LRP1B: variants seen among roughly 807,000 people sequenced by gnomAD.
LRP1B encodes LDL receptor related protein 1B, also known as low-density lipoprotein receptor-related protein 1B.
LRP1B carries 217 observed loss-of-function variants against 556.6 expected under a neutral mutation model. That is an observed-to-expected ratio of 0.39 (90% CI 0.35 to 0.44). The LOEUF (loss-of-function observed/expected upper bound fraction) is 0.44. LRP1B is among the 20% of genes least tolerant of loss of function. LRP1B has a pLI of 1.00. For synonymous variants in LRP1B, 2,047 were observed against 1,865.8 expected (o/e 1.10, Z -2.50); for missense variants, 5,053 against 5,620.8 (o/e 0.90, Z 3.23).
chr2:140,564,970 A>C (rs1470655165), intron 43 of LRP1B, among the ~76,000 whole-genome samples: 1 of 151,978 alleles, frequency 6.6e-6, no homozygotes, highest in Non-Finnish European at 1.5e-5. Context: ...TTCAAGAAAC[A>C]CTGGTATGAT....
At chr2:141,150,428 C>G (rs1701892312) in intron 7 of LRP1B, among the ~76,000 whole-genome samples, 1 of 152,164 alleles carries the variant, frequency 6.6e-6, no homozygotes. Flanking sequence ...TTTCCCATTT[C>G]TATTTCTAAT....
chr2:140,762,214 T>A (rs558585548), intron 35 of LRP1B, among the ~76,000 whole-genome samples: 3 of 152,286 alleles, frequency 2.0e-5, no homozygotes, highest in Middle Eastern at 3.4e-3. Context: ...TTATGTCACA[T>A]TGCTTATGCA....
At chr2:141,908,904 T>C (rs1469790263) in intron 1 of LRP1B, among the ~76,000 whole-genome samples, 1 of 152,076 alleles carries the variant, frequency 6.6e-6, no homozygotes, top group Non-Finnish European at 1.5e-5. Context: ...TGGTCTTATT[T>C]TCATTTTATA....
At chr2:140,271,692 G>A (rs1018514623) in intron 85 of LRP1B, among the ~76,000 whole-genome samples, 1 of 151,862 alleles carries the variant, frequency 6.6e-6, no homozygotes, top group Non-Finnish European at 1.5e-5. Context: ...TAAAGATACA[G>A]GTAAACAGAA....
In LRP1B at chr2:141,337,379, C is replaced by T. The variant is rs534380536; in HGVS notation, c.344-82738G>A. Among the ~76,000 whole-genome samples the T allele has an allele frequency of 3.3e-5, 5 of 152,154 alleles. No individual in the cohort carries two copies. The South Asian group carries it at 6.2e-4, about 19-fold the overall frequency. ...TCTGTGCAAGTCATATCATAGCATCCCCTTTTAATAACATTTTAGTGATTT... is the reference window on the plus strand; with the variant it reads ...TCTGTGCAAGTCATATCATAGCATCTCCTTTTAATAACATTTTAGTGATTT... On this transcript the variant is annotated intron_variant, in intron 3 of 90. Transcript: ENST00000389484.
chr2:141,711,440 A>G (rs1189920427), intron 2 of LRP1B, among the ~76,000 whole-genome samples: 1 of 152,196 alleles, frequency 6.6e-6, no homozygotes, highest in African/African-American at 2.4e-5. Context: ...ATTGCAGAGA[A>G]AGGCATAGAG....
At chr2:141,488,360 T>A (rs1683192695) in intron 2 of LRP1B, among the ~76,000 whole-genome samples, 1 of 152,198 alleles carries the variant, frequency 6.6e-6, no homozygotes, top group African/African-American at 2.4e-5. Context: ...TATGCAGTTT[T>A]GCACTTCCTC....
Position 142,121,377 on chromosome 2 carries a change from T to C in LRP1B, c.82+9271A>G, listed in dbSNP as rs142759139. Among the ~76,000 whole-genome samples, 4 of 152,308 alleles carry C rather than the reference T, an allele frequency of 2.6e-5. No individual in the cohort carries two copies. The East Asian group carries it at 7.7e-4, about 29-fold the overall frequency. ...CAAACCCAAATGCCTCAATTTGATC[T>C]GCATGACCCTACCTGACCTAATCTG... On this transcript the variant is annotated intron_variant, in intron 1 of 90. Transcript: ENST00000389484.
At chr2:141,061,994 G>T in intron 8 of LRP1B, 57 bp downstream of exon 8, 1 of 1,416,788 alleles carries the variant, frequency 7.1e-7, no homozygotes, top group Non-Finnish European at 9.9e-7. Flanking sequence ...GCAAATTTTG[G>T]TATTATTCCT....
At chr2:140,495,490 A>C (rs536727045) in intron 56 of LRP1B, 75 bp downstream of exon 56, 1 of 1,360,910 alleles carries the variant, frequency 7.3e-7, no homozygotes, top group South Asian at 1.5e-5. Context: ...GAGTGAATTC[A>C]ATAAGAACGG....
rs568853619 is a variant in LRP1B, at chr2:141,384,248, C to A, written c.343+96148G>T. ...GGAAAAAAAAATGTTAAAAGGAGTA[C>A]TTTAGGCTAAAATGAAAGGATACTA... On this transcript the variant is annotated intron_variant, in intron 3 of 90. Transcript: ENST00000389484. Among the ~76,000 whole-genome samples the A allele has an allele frequency of 2.6e-5, 4 of 151,908 alleles. No individual in the cohort carries two copies. In the East Asian group the frequency reaches 5.8e-4, roughly 22 times the overall value.
At chr2:141,926,602 T>G (rs999706962) in intron 1 of LRP1B, among the ~76,000 whole-genome samples, 1 of 152,212 alleles carries the variant, frequency 6.6e-6, no homozygotes, top group East Asian at 1.9e-4. Flanking sequence ...TTTCAGCAAG[T>G]GTCTTAAGGA....
At chr2:140,466,813 G>A (rs931865144) in intron 60 of LRP1B, among the ~76,000 whole-genome samples, 6 of 151,836 alleles carry the variant, frequency 4.0e-5, no homozygotes, top group East Asian at 1.9e-4. Context: ...TTCTTAGTTC[G>A]CCCTTTTGTT....
chr2:141,364,132 C>A (rs191871942), intron 3 of LRP1B, among the ~76,000 whole-genome samples: 48 of 152,152 alleles, frequency 3.2e-4, no homozygotes, highest in African/African-American at 1.1e-3. Flanking sequence ...AGATTTCATA[C>A]CTCGATCAAT....
chr2:140,325,671 T>C, intron 80 of LRP1B, 91 bp downstream of exon 80: 1 of 809,580 alleles, frequency 1.2e-6, no homozygotes, highest in Non-Finnish European at 1.9e-6. Flanking sequence ...AAATCCAGAA[T>C]GCAAAGTAAA....
intron 2 of LRP1B, among the ~76,000 whole-genome samples, chr2:141,697,840 G>A (rs1018319555): frequency 1.3e-5 from 2 of 151,962 alleles, no homozygotes; most frequent in African/African-American, 4.8e-5. Context: ...AAAACCCACA[G>A]TACATCAGCA....
At chr2:141,213,178 C>G (rs905715154) in intron 6 of LRP1B, among the ~76,000 whole-genome samples, 3 of 151,552 alleles carry the variant, frequency 2.0e-5, no homozygotes, top group African/African-American at 7.3e-5. Context: ...TCTTGAACCC[C>G]CAGGCTGATG....
At chr2:141,752,651 G>GGTGTGTGT (rs35485226) in intron 2 of LRP1B, among the ~76,000 whole-genome samples, 7 of 149,812 alleles carry the variant, frequency 4.7e-5, no homozygotes, top group African/African-American at 1.5e-4. Context: ...AATCTTGGGT[G>GGTGTGTGT]GTGTGTGTGT....
intron 2 of LRP1B, among the ~76,000 whole-genome samples, chr2:141,489,867 T>A (rs1387020512): frequency 3.3e-5 from 5 of 152,150 alleles, no homozygotes; most frequent in East Asian, 3.9e-4. Flanking sequence ...AGAATACAAA[T>A]AAGAACCTCT....
Sources: gnomAD v4.1 joint callset for allele counts (sites outside exome capture counted in the v4.1 genomes callset) on GRCh38, gnomAD v4.1.1 for gene constraint, MANE v1.5 for transcripts, NCBI Gene and HGNC (gene_info 2026-07-23, HGNC 2026-07-21) for gene names.